MAMLD1: variants seen among roughly 807,000 people sequenced by gnomAD.
The protein encoded by MAMLD1 is mastermind-like domain-containing protein 1.
A neutral mutation model predicts 45.0 loss-of-function variants in MAMLD1; 14 were observed. The observed-to-expected ratio is 0.31, with a 90% confidence interval of 0.21 to 0.49. The LOEUF is 0.49. MAMLD1 is among the 20% of genes least tolerant of loss of function. The pLI is 0.99. For synonymous variants in MAMLD1, 254 were observed against 247.8 expected, an observed-to-expected ratio of 1.02 and a Z score of -0.24; for missense variants, 543 against 603.6, an observed-to-expected ratio of 0.90 and a Z score of 1.05.
intron 2 of MAMLD1, among the ~76,000 whole-genome samples, chrX:150,460,579 GC>G (rs2036004313): frequency 9.0e-6 from 1 of 111,728 alleles, no homozygotes; most frequent in African/African-American, 3.3e-5. Context: ...CATAAGGGGG[GC>G]CAGCCAGGGC....
Position 150,471,212 on chromosome X carries a change from C to T in MAMLD1, c.1639C>T (p.His547Tyr). ...TTTTGGCAACACCAAGCCCTTGTCCCATTTTGTTTCTGAGCCGGGTCCCCA... is the reference window on the plus strand; with the variant it reads ...TTTTGGCAACACCAAGCCCTTGTCCTATTTTGTTTCTGAGCCGGGTCCCCA... ...FTFGNTKPLS[H>Y]FVSEPGPQKM... is the part of the protein sequence containing the mutation. Residue 547 changes from histidine (H) to tyrosine (Y), a missense_variant, in exon 4 of 8, where the codon CAT (histidine) becomes TAT (tyrosine). By Grantham distance (83) the His-to-Tyr change is moderately conservative (BLOSUM62 2). Coordinates refer to ENST00000370401, the MANE Select transcript of MAMLD1 (RefSeq NM_005491.5). 13 of 1,212,036 alleles carry T rather than the reference C, an allele frequency of 1.1e-5. No homozygotes were observed. The highest frequency in any genetic ancestry group is 1.5e-5 in the Non-Finnish European group (13 of 895,590).
intron 1 of MAMLD1, among the ~76,000 whole-genome samples, chrX:150,421,301 C>T (rs781943943): frequency 9.8e-5 from 11 of 112,297 alleles, no homozygotes; most frequent in Non-Finnish European, 2.1e-4. Context: ...CGCTCGCGCA[C>T]GGTGCACGCA....
chrX:150,469,795 G>C lies in MAMLD1; in HGVS notation c.222G>C (p.Met74Ile), dbSNP rs1396185489. 1 of 1,208,734 alleles carries C rather than the reference G, an allele frequency of 8.3e-7. No individual in the cohort carries two copies. Among genetic ancestry groups the C allele is most frequent in the African/African-American group, 1.8e-5 (1 of 56,761 alleles). The change falls in exon 4 of 8, where the codon ATG (methionine) becomes ATC (isoleucine). Residue 74 changes from methionine (M) to isoleucine (I), a missense_variant. Physicochemically the swap from Met to Ile is conservative, Grantham distance 10. Coordinates refer to ENST00000370401, the MANE Select transcript of MAMLD1 (RefSeq NM_005491.5). ...QEEDHFQFPD[M>I]ADGGYPNKIK... ...AAGACCACTTCCAGTTTCCAGACAT[G>C]GCTGATGGGGGCTACCCTAATAAAA... is the stretch of plus-strand genomic sequence containing the variant.
intron 6 of MAMLD1, among the ~76,000 whole-genome samples, chrX:150,507,111 G>T (rs191613487): frequency 1.3e-4 from 14 of 111,955 alleles, no homozygotes; most frequent in African/African-American, 4.2e-4. Context: ...GGCACAACAG[G>T]ACGTAGTGCC....
chrX:150,483,121 A>G (rs2036874310), intron 5 of MAMLD1, among the ~76,000 whole-genome samples: 1 of 112,431 alleles, frequency 8.9e-6, no homozygotes, highest in Non-Finnish European at 1.9e-5. Context: ...GTTCTCAACT[A>G]CAGGGAGAAC....
At position 150,396,149 on chromosome X, in the gene MAMLD1, A is replaced by ATTTTT. The variant is rs151164752; in HGVS notation, c.-64+32643_-64+32647dup. Among the ~76,000 whole-genome samples, 90 of 39,248 alleles carry ATTTTT rather than the reference A, an allele frequency of 2.3e-3. 5 individuals carry two copies. The highest frequency in any genetic ancestry group is 3.2e-3 in the Non-Finnish European group (71 of 21,856). 34.1% of individuals were successfully genotyped at this position (39,248 alleles called of 115,157 possible). On this transcript the variant is annotated intron_variant, in intron 1 of 7. Transcript: ENST00000370401. ...AGGCATGCACCACCATACCTGGCTA[A>ATTTTT]TTTTTTTTTTTTTTTTTTTTTTTTT...
chrX:150,512,823 T>A lies in MAMLD1; in HGVS notation c.*864T>A. 1 of 1,155,869 alleles carries A rather than the reference T, an allele frequency of 8.7e-7. No individual in the cohort carries two copies. The highest frequency in any genetic ancestry group is 1.1e-6 in the Non-Finnish European group (1 of 872,918). On this transcript the variant is annotated 3_prime_UTR_variant, in exon 8 of 8. Coordinates refer to ENST00000370401, the MANE Select transcript of MAMLD1 (RefSeq NM_005491.5). ...CCAGGTCCGTTCGACAGAACGGATA[T>A]TCCCCCTGAGCTGCCACCTGCCGAC...
At chrX:150,481,691 C>T (rs1483656527) in intron 5 of MAMLD1, among the ~76,000 whole-genome samples, 4 of 108,190 alleles carry the variant, frequency 3.7e-5, no homozygotes, top group Admixed American at 1.0e-4. Flanking sequence ...ATTAACCAGG[C>T]ATGGTGGCGT....
chrX:150,371,706 A>C (rs2032001808), intron 1 of MAMLD1, among the ~76,000 whole-genome samples: 1 of 112,127 alleles, frequency 8.9e-6, no homozygotes. Flanking sequence ...TGAATCCGAA[A>C]TTCCACTCTC....
intron 3 of MAMLD1, among the ~76,000 whole-genome samples, chrX:150,465,196 C>G (rs2036180221): frequency 8.9e-6 from 1 of 112,140 alleles, no homozygotes; most frequent in South Asian, 3.7e-4. Flanking sequence ...AACAGCCTGC[C>G]AGACTTCTTT....
intron 1 of MAMLD1, among the ~76,000 whole-genome samples, chrX:150,431,934 A>G (rs781899078): frequency 1.8e-5 from 2 of 111,821 alleles, no homozygotes; most frequent in South Asian, 7.4e-4. Flanking sequence ...GGGTATATAC[A>G]TGATAATGGG....
At chrX:150,511,951 C>G (rs659188) in intron 7 of MAMLD1, 53 bp from the exon 8 acceptor site, 435,302 of 1,014,400 alleles carry the variant, frequency 0.43, 67,124 homozygotes, top group East Asian at 0.57. Context: ...GGCCACAGCC[C>G]AAGTCGAGGA....
chrX:150,481,817 G>C (rs1424488192), intron 5 of MAMLD1, among the ~76,000 whole-genome samples: 2 of 100,873 alleles, frequency 2.0e-5, no homozygotes, highest in Non-Finnish European at 4.0e-5. Flanking sequence ...GTGACATAGA[G>C]AGACCCCATC....
intron 1 of MAMLD1, among the ~76,000 whole-genome samples, chrX:150,400,544 A>G (rs2033703435): frequency 8.9e-6 from 1 of 112,177 alleles, no homozygotes; most frequent in Admixed American, 9.4e-5. Context: ...CCAGTTTTCA[A>G]AGGGAATGCT....
intron 1 of MAMLD1, among the ~76,000 whole-genome samples, chrX:150,376,786 G>A (rs1156718993): frequency 9.1e-6 from 1 of 109,416 alleles, no homozygotes; most frequent in Non-Finnish European, 1.9e-5. Flanking sequence ...ATTGGGGGGT[G>A]GTCCTTAGGG....
chrX:150,414,461 ACCCTCC>A (rs1273175993), intron 1 of MAMLD1, among the ~76,000 whole-genome samples: 1 of 110,480 alleles, frequency 9.1e-6, no homozygotes, highest in Non-Finnish European at 1.9e-5. Flanking sequence ...ATGGATTAAC[ACCCTCC>A]CTTACAGAGA....
At chrX:150,369,812 A>G (rs2031814866) in intron 1 of MAMLD1, among the ~76,000 whole-genome samples, 1 of 106,819 alleles carries the variant, frequency 9.4e-6, no homozygotes, top group Non-Finnish European at 1.9e-5. Flanking sequence ...TTCTGAACCC[A>G]TTGTTGAACC....
chrX:150,427,068 C>A (rs1468053851), intron 1 of MAMLD1, among the ~76,000 whole-genome samples: 1 of 111,380 alleles, frequency 9.0e-6, no homozygotes, highest in Non-Finnish European at 1.9e-5. Flanking sequence ...GAGCTCCAAT[C>A]TTTACATAGT....
chrX:150,438,159 T>C (rs1557404357), intron 1 of MAMLD1, among the ~76,000 whole-genome samples: 1 of 112,264 alleles, frequency 8.9e-6, no homozygotes, highest in East Asian at 2.8e-4. Flanking sequence ...AACACTTATG[T>C]GCAAGTTTTG....
Sources: allele counts gnomAD v4.1 joint callset (sites outside exome capture counted in the v4.1 genomes callset), GRCh38; gene constraint gnomAD v4.1.1; transcripts MANE v1.5; gene names NCBI Gene and HGNC (gene_info 2026-07-23, HGNC 2026-07-21).